The following ZNF254 variants were observed in gnomAD, a reference collection of about 807,000 sequenced individuals.
ZNF254 encodes the protein CTD-2017D11.1.
A neutral mutation model predicts 12.4 loss-of-function variants in ZNF254; 10 were observed. The observed-to-expected ratio is 0.80, with a 90% CI of 0.50 to 1.36. ZNF254 has a LOEUF of 1.36. Ranked by LOEUF, ZNF254 falls within the 40% of genes most tolerant of loss-of-function variation. ZNF254 has a pLI of 0.00. For missense variants in ZNF254, 996 were observed against 763.9 expected, an observed-to-expected ratio of 1.30 and a Z score of -3.58; for synonymous variants, 305 against 253.4, an observed-to-expected ratio of 1.20 and a Z score of -1.93.
chr19:24,120,392 G>T (rs1046552054), intron 3 of ZNF254, among the ~76,000 whole-genome samples: 1 of 151,972 alleles, frequency 6.6e-6, no homozygotes, highest in Non-Finnish European at 1.5e-5. Flanking sequence ...GACAACTTCA[G>T]TTGAATATAA....
At chr19:24,044,511 C>G (rs1970301735) in intron 1 of ZNF254, among the ~76,000 whole-genome samples, 1 of 150,690 alleles carries the variant, frequency 6.6e-6, no homozygotes, top group African/African-American at 2.4e-5. Context: ...GCACCCCAGC[C>G]TGGGTGACAG....
chr19:24,128,480 C>T lies in ZNF254; in HGVS notation c.*500C>T, dbSNP rs919008276. The T allele has an allele frequency of 6.6e-6, 1 of 152,176 alleles. No homozygotes were observed. Among genetic ancestry groups the T allele is most frequent in the African/African-American group, 2.4e-5 (1 of 41,386 alleles). 9.4% of individuals were successfully genotyped at this position (152,176 alleles called of 1,614,324 possible). A position where few individuals can be genotyped will look rare whatever the true frequency, so the allele number is the denominator to read the frequency against. ...ACACATATGAAGAGGATTGTAATAT[C>T]TTTACTTGTACCACAGATCTTATTG... On this transcript the variant is annotated 3_prime_UTR_variant, in exon 4 of 4. Coordinates refer to ENST00000357002, the MANE Select transcript of ZNF254 (RefSeq NM_203282.4).
intron 1 of ZNF254, among the ~76,000 whole-genome samples, chr19:24,043,576 TAAG>T (rs1352933558): frequency 6.6e-6 from 1 of 152,196 alleles, no homozygotes; most frequent in Non-Finnish European, 1.5e-5. Flanking sequence ...CAAAAAATTT[TAAG>T]AAACACCCGA....
intron 2 of ZNF254, among the ~76,000 whole-genome samples, chr19:24,061,113 T>G (rs1206122827): frequency 6.6e-6 from 1 of 152,154 alleles, no homozygotes; most frequent in African/African-American, 2.4e-5. Flanking sequence ...TGTCTTCTCC[T>G]GCCTGGGCCC....
chr19:24,051,065 G>C (rs1384299857), intron 2 of ZNF254, among the ~76,000 whole-genome samples: 1 of 152,096 alleles, frequency 6.6e-6, no homozygotes, highest in African/African-American at 2.4e-5. Context: ...ACATAGCTGG[G>C]GCCAGCTCAA....
At chr19:24,074,253 A>G (rs1971581324) in intron 2 of ZNF254, among the ~76,000 whole-genome samples, 1 of 152,204 alleles carries the variant, frequency 6.6e-6, no homozygotes, top group Non-Finnish European at 1.5e-5. Flanking sequence ...CCCTGCACAC[A>G]TAAATAATTT....
At chr19:24,076,547 G>A (rs1273935550) in intron 2 of ZNF254, among the ~76,000 whole-genome samples, 1 of 152,148 alleles carries the variant, frequency 6.6e-6, no homozygotes, top group Non-Finnish European at 1.5e-5. Context: ...AGCCCAGTAG[G>A]TCTCAGCCTC....
intron 1 of ZNF254, chr19:24,105,731 C>T: frequency 3.0e-6 from 2 of 665,446 alleles, no homozygotes; most frequent in Non-Finnish European, 4.5e-6. Context: ...ATCACATATA[C>T]ACTGATGTGG....
chr19:24,043,166 C>A (rs1970241906), intron 1 of ZNF254, among the ~76,000 whole-genome samples: 1 of 151,928 alleles, frequency 6.6e-6, no homozygotes, highest in Non-Finnish European at 1.5e-5. Context: ...GCATACATTT[C>A]ATTTTCTGTA....
intron 3 of ZNF254, among the ~76,000 whole-genome samples, chr19:24,119,481 C>T (rs1974335653): frequency 6.6e-6 from 1 of 152,018 alleles, no homozygotes; most frequent in African/African-American, 2.4e-5. Flanking sequence ...TGTGAGCCAC[C>T]ATTCCTGGCC....
chr19:24,067,236 A>G (rs767097173), intron 2 of ZNF254, among the ~76,000 whole-genome samples: 4 of 151,834 alleles, frequency 2.6e-5, no homozygotes, highest in South Asian at 2.1e-4. Flanking sequence ...CACTTTGTCC[A>G]TAGGTTAGCT....
At chr19:24,106,920 T>C in intron 3 of ZNF254, 1 of 407,518 alleles carries the variant, frequency 2.5e-6, no homozygotes, top group Non-Finnish European at 4.3e-6. Context: ...ATCTGACTTC[T>C]TTTTTCTTGT....
At chr19:24,060,366 A>G (rs1441252757) in intron 2 of ZNF254, among the ~76,000 whole-genome samples, 1 of 152,140 alleles carries the variant, frequency 6.6e-6, no homozygotes, top group Non-Finnish European at 1.5e-5. Flanking sequence ...ACACATCACT[A>G]GGCCCATCAG....
At chr19:24,104,554 T>C (rs1973221492) in intron 1 of ZNF254, 1 of 152,154 alleles carries the variant, frequency 6.6e-6, no homozygotes, top group African/African-American at 2.4e-5. Flanking sequence ...TTTTTCTCCC[T>C]AATAAGTTTT....
chr19:24,094,191 A>G (rs1440275183), intron 1 of ZNF254, among the ~76,000 whole-genome samples: 1 of 152,126 alleles, frequency 6.6e-6, no homozygotes, highest in East Asian at 1.9e-4. Context: ...GGTTTTCCAG[A>G]TGGAGAATTA....
chr19:24,040,880 TTAGA>T (rs2145196211), intron 1 of ZNF254, among the ~76,000 whole-genome samples: 1 of 152,298 alleles, frequency 6.6e-6, no homozygotes, highest in South Asian at 2.1e-4. Context: ...AATAAAGGTA[TTAGA>T]TGTAAGGGAC....
At chr19:24,093,761 C>G (rs1802502860) in intron 1 of ZNF254, among the ~76,000 whole-genome samples, 1 of 151,890 alleles carries the variant, frequency 6.6e-6, no homozygotes, top group Non-Finnish European at 1.5e-5. Context: ...ATTACCTTGG[C>G]TATTCAGACT....
At chr19:24,122,307 C>T (rs368131223) in intron 3 of ZNF254, among the ~76,000 whole-genome samples, 4 of 152,102 alleles carry the variant, frequency 2.6e-5, no homozygotes, top group African/African-American at 9.7e-5. Context: ...TCAGTGCAAC[C>T]TCCACCTCCT....
At chr19:24,055,273 CTT>C (rs1411968627) in intron 2 of ZNF254, among the ~76,000 whole-genome samples, 2 of 136,336 alleles carry the variant, frequency 1.5e-5, no homozygotes, top group Non-Finnish European at 3.1e-5. Flanking sequence ...GAGATTTTCT[CTT>C]TTTCTTTTTC....
Sources: allele counts gnomAD v4.1 joint callset (sites outside exome capture counted in the v4.1 genomes callset), GRCh38; gene constraint gnomAD v4.1.1; transcripts MANE v1.5; gene names NCBI Gene and HGNC (gene_info 2026-07-23, HGNC 2026-07-21).